RNF150: variants seen among roughly 807,000 people sequenced by gnomAD.
The protein encoded by RNF150 is ring finger protein 150.
RNF150 carries 24 observed loss-of-function variants against 39.3 expected under a neutral mutation model. The ratio of observed to expected loss-of-function variants is 0.61; its 90% CI spans 0.44 to 0.86. The LOEUF is 0.86. Ranked by LOEUF, RNF150 falls within the 40% of genes least tolerant of loss-of-function variation. RNF150 has a pLI of 0.00. For missense variants in RNF150, 502 were observed against 587.8 expected, an observed-to-expected ratio of 0.85 and a Z score of 1.51; for synonymous variants, 255 against 227.3, an observed-to-expected ratio of 1.12 and a Z score of -1.10.
intron 1 of RNF150, among the ~76,000 whole-genome samples, chr4:141,141,846 C>A (rs1198227024): frequency 1.3e-5 from 2 of 152,114 alleles, no homozygotes; most frequent in Non-Finnish European, 2.9e-5. Context: ...AATAAAAAAA[C>A]TGTGAGAAAG....
At chr4:140,882,832 C>A (rs143680575) in intron 6 of RNF150, among the ~76,000 whole-genome samples, 1 of 152,038 alleles carries the variant, frequency 6.6e-6, no homozygotes, top group Non-Finnish European at 1.5e-5. Context: ...GCCTTGTAGA[C>A]GGCATATAGT....
At chr4:140,996,935 G>A (rs778781201) in intron 1 of RNF150, 2 of 152,024 alleles carry the variant, frequency 1.3e-5, no homozygotes, top group Admixed American at 6.6e-5. Flanking sequence ...CAGAATGTGA[G>A]AGATTCATGA....
At chr4:140,928,043 TCATTCACTCATC>T (rs575329547) in intron 4 of RNF150, among the ~76,000 whole-genome samples, 1 of 151,884 alleles carries the variant, frequency 6.6e-6, no homozygotes, top group South Asian at 2.1e-4. Context: ...GGAGTATATT[TCATTCACTCATC>T]CATTCACTCC....
chr4:141,034,296 T>G lies in RNF150; in HGVS notation c.485-66423A>C, dbSNP rs945947374. On this transcript the variant is annotated intron_variant, in intron 1 of 6. Coordinates refer to ENST00000515673, the MANE Select transcript of RNF150 (RefSeq NM_020724.2). ...TAGCTTCAAACTTTTCTTTTGCAGC[T>G]TCTTCACCTCTCTCAGCCTTCCTAC... Among the ~76,000 whole-genome samples the G allele has an allele frequency of 7.2e-4, 110 of 152,190 alleles. 4 individuals are homozygous for G. The highest frequency in any genetic ancestry group is 3.2e-3 in the Middle Eastern group (1 of 316).
chr4:140,955,030 A>T (rs1732696957), intron 2 of RNF150, among the ~76,000 whole-genome samples: 2 of 152,328 alleles, frequency 1.3e-5, no homozygotes, highest in South Asian at 4.1e-4. Flanking sequence ...GTTCTAGGTG[A>T]AGGGAGGCCA....
At chr4:141,128,674 T>C (rs575230396) in intron 1 of RNF150, among the ~76,000 whole-genome samples, 4 of 152,300 alleles carry the variant, frequency 2.6e-5, no homozygotes, top group Admixed American at 6.5e-5. Flanking sequence ...TACAGCCTTA[T>C]GTCCCTTAAT....
At chr4:140,929,590 TC>T (rs1731542788) in intron 4 of RNF150, among the ~76,000 whole-genome samples, 1 of 151,878 alleles carries the variant, frequency 6.6e-6, no homozygotes, top group Admixed American at 6.6e-5. Flanking sequence ...ATGGTCTCGA[TC>T]TCCTGAACTC....
At chr4:140,954,993 A>G (rs1732695299) in intron 2 of RNF150, among the ~76,000 whole-genome samples, 1 of 152,156 alleles carries the variant, frequency 6.6e-6, no homozygotes, top group Non-Finnish European at 1.5e-5. Flanking sequence ...ATCATCACCA[A>G]ATGGAAAGAT....
intron 2 of RNF150, among the ~76,000 whole-genome samples, chr4:140,963,887 CATT>C (rs1416445288): frequency 6.6e-6 from 1 of 151,908 alleles, no homozygotes; most frequent in Admixed American, 6.6e-5. Context: ...ACACTTCTGA[CATT>C]ATATATTTTA....
At chr4:141,183,007 T>C (rs1727938239) in intron 1 of RNF150, among the ~76,000 whole-genome samples, 1 of 152,174 alleles carries the variant, frequency 6.6e-6, no homozygotes, top group Admixed American at 6.5e-5. Context: ...AGCTTGGGCT[T>C]CTCAAGCACT....
At chr4:141,104,042 G>A (rs371610288) in intron 1 of RNF150, among the ~76,000 whole-genome samples, 2 of 152,204 alleles carry the variant, frequency 1.3e-5, no homozygotes, top group South Asian at 2.1e-4. Context: ...TGGAGATCGT[G>A]TGTTCTAATC....
chr4:140,972,236 G>A (rs1262880599), intron 1 of RNF150, among the ~76,000 whole-genome samples: 1 of 152,062 alleles, frequency 6.6e-6, no homozygotes, highest in East Asian at 1.9e-4. Context: ...GAATGTGTAT[G>A]AAATTATTTT....
intron 6 of RNF150, 37 bp downstream of exon 6, chr4:140,911,107 C>T: frequency 6.5e-7 from 1 of 1,542,778 alleles, no homozygotes; most frequent in Non-Finnish European, 8.9e-7. Flanking sequence ...GGCAACAGTC[C>T]TTCTGGCTAT....
chr4:141,151,172 G>A (rs946677239), intron 1 of RNF150, among the ~76,000 whole-genome samples: 8 of 151,930 alleles, frequency 5.3e-5, no homozygotes, highest in African/African-American at 1.7e-4. Context: ...TAGAACTCCT[G>A]GCCTCAAGCA....
intron 1 of RNF150, among the ~76,000 whole-genome samples, chr4:141,035,885 G>A (rs1005745176): frequency 6.6e-6 from 1 of 152,098 alleles, no homozygotes; most frequent in East Asian, 1.9e-4. Flanking sequence ...TGGGGCGGGG[G>A]ATTTGAAAAA....
intron 6 of RNF150, among the ~76,000 whole-genome samples, chr4:140,884,609 T>C (rs984576452): frequency 6.6e-6 from 1 of 152,230 alleles, no homozygotes; most frequent in Non-Finnish European, 1.5e-5. Flanking sequence ...TGGTGCTTTG[T>C]AGCAAGCTGT....
At chr4:141,121,532 A>G (rs1422915925) in intron 1 of RNF150, among the ~76,000 whole-genome samples, 1 of 152,278 alleles carries the variant, frequency 6.6e-6, no homozygotes, top group African/African-American at 2.4e-5. Context: ...TAGCATATAG[A>G]TGAAATTTCA....
rs149165982 is a variant in RNF150 at position 141,198,732 on chromosome 4, C to T, written c.-6+14062G>A. 2.4e-3 allele frequency among the ~76,000 whole-genome samples: 360 copies of T among 152,268 alleles called. 3 individuals are homozygous for T. The highest frequency in any genetic ancestry group is 8.2e-3 in the African/African-American group (340 of 41,558). The stretch of plus-strand genomic sequence containing the variant: ...TAAAAATTCAGTAAAAGTTTTATTG[C>T]TCAGTTTGGGGCTAAGAGCATCTCA... On this transcript the variant is annotated intron_variant, in intron 1 of 7. Transcript: ENST00000420921.
intron 1 of RNF150, among the ~76,000 whole-genome samples, chr4:141,117,401 T>A (rs777175595): frequency 6.6e-6 from 1 of 152,192 alleles, no homozygotes; most frequent in Non-Finnish European, 1.5e-5. Context: ...TGTTTATATA[T>A]GTGGTATAAA....
Sources: allele counts gnomAD v4.1 joint callset (sites outside exome capture counted in the v4.1 genomes callset), GRCh38; gene constraint gnomAD v4.1.1; transcripts MANE v1.5; gene names NCBI Gene and HGNC (gene_info 2026-07-23, HGNC 2026-07-21).